Variants in MAP7 observed in about 807,000 individuals in gnomAD.
MAP7 encodes microtubule associated protein 7.
MAP7 carries 52 observed loss-of-function variants against 94.8 expected under a neutral mutation model. The observed-to-expected ratio is 0.55, with a 90% CI of 0.44 to 0.69. MAP7 has a LOEUF of 0.69. Among genes scored for constraint, MAP7 ranks in the 30% least tolerant of loss-of-function variants. The pLI, the probability that MAP7 is intolerant of heterozygous loss-of-function variation, is 0.00. For synonymous variants in MAP7, 350 were observed against 357.0 expected (o/e 0.98, Z 0.22); for missense variants, 940 against 964.6 (o/e 0.97, Z 0.34).
intron 1 of MAP7, chr6:136,526,534 G>C (rs1827927275): frequency 1.0e-6 from 1 of 985,434 alleles, no homozygotes; most frequent in African/African-American, 1.7e-5. Context: ...GCCCAGAGCG[G>C]CTCCATCTCC....
intron 1 of MAP7, chr6:136,466,634 G>T: frequency 6.5e-6 from 5 of 772,606 alleles, no homozygotes; most frequent in South Asian, 5.8e-5. Flanking sequence ...AAAAAGATTA[G>T]AAGATTTCCT....
At chr6:136,497,395 A>G (rs574913996) in intron 1 of MAP7, among the ~76,000 whole-genome samples, 9 of 151,448 alleles carry the variant, frequency 5.9e-5, no homozygotes, top group African/African-American at 2.2e-4. Context: ...AGGTGCAGCC[A>G]CCTCCCCACA....
At chr6:136,425,633 C>A (rs1386554723) in intron 1 of MAP7, among the ~76,000 whole-genome samples, 1 of 151,962 alleles carries the variant, frequency 6.6e-6, no homozygotes, top group Non-Finnish European at 1.5e-5. Context: ...TATTGTAACA[C>A]TCGAATCATA....
At chr6:136,373,648 T>C (rs1275058977) in intron 7 of MAP7, among the ~76,000 whole-genome samples, 1 of 152,216 alleles carries the variant, frequency 6.6e-6, no homozygotes, top group Non-Finnish European at 1.5e-5. Context: ...TTTTATTTCC[T>C]AGCAAAAATA....
At chr6:136,508,630 G>C (rs1323379463) in intron 1 of MAP7, among the ~76,000 whole-genome samples, 2 of 152,146 alleles carry the variant, frequency 1.3e-5, no homozygotes, top group Non-Finnish European at 2.9e-5. Context: ...TAAACTGTAA[G>C]TTTCAGGGTC....
intron 1 of MAP7, among the ~76,000 whole-genome samples, chr6:136,539,544 T>G (rs1280789895): frequency 6.6e-6 from 1 of 152,204 alleles, no homozygotes; most frequent in Non-Finnish European, 1.5e-5. Flanking sequence ...TGCCTTGGAC[T>G]TCATAGTTAG....
At chr6:136,358,535 T>C (rs1791620263) in intron 15 of MAP7, among the ~76,000 whole-genome samples, 1 of 152,224 alleles carries the variant, frequency 6.6e-6, no homozygotes, top group Non-Finnish European at 1.5e-5. Flanking sequence ...AAAGGAATTA[T>C]GACATACAGA....
At chr6:136,356,891 C>A in intron 15 of MAP7, 97 bp from the exon 16 acceptor site, 2 of 942,444 alleles carry the variant, frequency 2.1e-6, no homozygotes, top group South Asian at 1.4e-5. Context: ...TGTGCTGGTT[C>A]TGCTACTTAA....
chr6:136,351,135 T>G (rs1242472452), intron 16 of MAP7, among the ~76,000 whole-genome samples: 1 of 151,602 alleles, frequency 6.6e-6, no homozygotes, highest in Non-Finnish European at 1.5e-5. Flanking sequence ...AGCTGAGCTA[T>G]CCTTAAAAGA....
chr6:136,409,123 T>C (rs955422914), intron 3 of MAP7, among the ~76,000 whole-genome samples: 1 of 151,956 alleles, frequency 6.6e-6, no homozygotes, highest in Non-Finnish European at 1.5e-5. Context: ...AGAAAAAAAT[T>C]AGAATGGATA....
chr6:136,523,419 C>G (rs1583138903), intron 1 of MAP7, among the ~76,000 whole-genome samples: 1 of 152,320 alleles, frequency 6.6e-6, no homozygotes, highest in African/African-American at 2.4e-5. Context: ...CTCAGTTGCA[C>G]TAGCTATATT....
intron 1 of MAP7, among the ~76,000 whole-genome samples, chr6:136,503,120 G>A (rs906787594): frequency 2.4e-4 from 36 of 152,268 alleles, no homozygotes; most frequent in African/African-American, 8.4e-4. Context: ...TGGAAACCCA[G>A]AAATAATTAC....
In MAP7 at chr6:136,431,235, C is replaced by T. The variant is rs367944372; in HGVS notation, c.68-9436G>A. On this transcript the variant is annotated intron_variant, in intron 1 of 17. Coordinates refer to ENST00000354570, the MANE Select transcript of MAP7 (RefSeq NM_003980.6). The stretch of plus-strand genomic sequence containing the variant: ...CTGCACTCCAATGCAATCTGTCCCA[C>T]GCTATTTAGCATTTGATTTCATTCT... 4.6e-5 allele frequency among the ~76,000 whole-genome samples: 7 copies of T among 152,196 alleles called. No homozygotes were observed. The South Asian group carries it at 8.3e-4, about 18-fold the overall frequency.
intron 1 of MAP7, among the ~76,000 whole-genome samples, chr6:136,514,580 CAAAAAAAAAAAAA>C (rs1046225937): frequency 2.4e-4 from 12 of 49,054 alleles, no homozygotes; most frequent in East Asian, 1.0e-3. Context: ...GACTCTGTCT[CAAAAAAAAAAAAA>C]AAAAAAAAAA....
chr6:136,444,390 A>G (rs1439534641), intron 1 of MAP7, among the ~76,000 whole-genome samples: 1 of 152,244 alleles, frequency 6.6e-6, no homozygotes, highest in Non-Finnish European at 1.5e-5. Context: ...TTTGCTGTTA[A>G]GTCTTCCAGA....
At chr6:136,503,230 G>T (rs142838594) in intron 1 of MAP7, among the ~76,000 whole-genome samples, 2 of 152,058 alleles carry the variant, frequency 1.3e-5, no homozygotes, top group Non-Finnish European at 2.9e-5. Context: ...GAAAGAAGGC[G>T]GCCAACTTAA....
chr6:136,372,536 C>T lies in MAP7; in HGVS notation c.841G>A (p.Gly281Ser), dbSNP rs1435683367. 6.2e-7 allele frequency: 1 copy of T among 1,614,164 alleles called. No homozygotes were observed. Among genetic ancestry groups the T allele is most frequent in the African/African-American group, 1.3e-5 (1 of 75,026 alleles). Residue 281 changes from glycine to serine, a missense_variant, in exon 8 of 18, where the codon GGC becomes AGC. Gly to Ser is a moderately conservative substitution (Grantham distance 56, BLOSUM62 0). Coordinates refer to ENST00000354570, the MANE Select transcript of MAP7 (RefSeq NM_003980.6). ...TGAATGATCCTCCTGCGAGAAGAGC[C>T]CTCAGGTGGTGTTACAAAGAGTTTT... ...RPKLFVTPPE[G>S]SSRRRIIHGT...
intron 3 of MAP7, among the ~76,000 whole-genome samples, chr6:136,398,455 T>C (rs1182318648): frequency 6.6e-6 from 1 of 152,234 alleles, no homozygotes; most frequent in Non-Finnish European, 1.5e-5. Context: ...TAGAGTGATA[T>C]GGTTTGGCTC....
chr6:136,359,207 T>A (rs577991863), intron 15 of MAP7, among the ~76,000 whole-genome samples: 1 of 152,270 alleles, frequency 6.6e-6, no homozygotes, highest in East Asian at 1.9e-4. Flanking sequence ...TATCAGTAAC[T>A]CTAATGAAAT....
Sources: allele counts gnomAD v4.1 joint callset (sites outside exome capture counted in the v4.1 genomes callset), GRCh38; gene constraint gnomAD v4.1.1; transcripts MANE v1.5; gene names NCBI Gene and HGNC (gene_info 2026-07-23, HGNC 2026-07-21).